The following GCSAML variants were observed in gnomAD, a reference collection of about 807,000 sequenced individuals.
GCSAML encodes the protein germinal center-associated signaling and motility-like protein.
A neutral mutation model predicts 13.0 loss-of-function variants in GCSAML; 9 were observed. That is an observed-to-expected ratio of 0.69 (90% CI 0.42 to 1.21). The LOEUF is 1.21. Ranked by LOEUF, GCSAML falls within the 50% of genes most tolerant of loss-of-function variation. The pLI is 0.00. For synonymous variants in GCSAML, 37 were observed against 52.9 expected (o/e 0.70, Z 1.31); for missense variants, 143 against 153.4 (o/e 0.93, Z 0.36).
intron 2 of GCSAML, chr1:247,538,613 A>G (rs1206707190): frequency 7.8e-6 from 3 of 384,540 alleles, no homozygotes; most frequent in South Asian, 1.9e-5. Flanking sequence ...TAAAAAGAGT[A>G]AGAAATACTA....
intron 2 of GCSAML, among the ~76,000 whole-genome samples, chr1:247,560,208 C>T (rs1668076857): frequency 6.6e-6 from 1 of 152,216 alleles, no homozygotes; most frequent in Admixed American, 6.5e-5. Flanking sequence ...CGACAGATAA[C>T]TGAGTGGCTG....
At chr1:247,568,677 T>G (rs1056562231) in intron 4 of GCSAML, among the ~76,000 whole-genome samples, 5 of 152,202 alleles carry the variant, frequency 3.3e-5, no homozygotes, top group Admixed American at 6.5e-5. Context: ...TGTTTCCATA[T>G]GAAATTTAAA....
intron 1 of GCSAML, among the ~76,000 whole-genome samples, chr1:247,509,440 G>A (rs1260853854): frequency 6.6e-6 from 1 of 152,184 alleles, no homozygotes; most frequent in Non-Finnish European, 1.5e-5. Flanking sequence ...ATACAATCAT[G>A]TCATCTGCAA....
chr1:247,569,853 G>A (rs987139476), intron 4 of GCSAML, among the ~76,000 whole-genome samples: 1 of 152,084 alleles, frequency 6.6e-6, no homozygotes, highest in African/African-American at 2.4e-5. Flanking sequence ...TTTTTGGTTG[G>A]TAGGCTAATT....
intron 2 of GCSAML, among the ~76,000 whole-genome samples, chr1:247,543,573 A>G (rs1185827913): frequency 6.6e-6 from 1 of 152,198 alleles, no homozygotes; most frequent in Non-Finnish European, 1.5e-5. Context: ...ATTATCGTGG[A>G]CAAAGCAGAA....
At chr1:247,544,084 A>G (rs1054194217) in intron 2 of GCSAML, among the ~76,000 whole-genome samples, 1 of 152,228 alleles carries the variant, frequency 6.6e-6, no homozygotes, top group African/African-American at 2.4e-5. Context: ...ATAGGACCAC[A>G]TGTCACTAAA....
intron 2 of GCSAML, among the ~76,000 whole-genome samples, chr1:247,561,857 T>C (rs1477588109): frequency 6.6e-6 from 1 of 152,080 alleles, no homozygotes; most frequent in Non-Finnish European, 1.5e-5. Flanking sequence ...TGGCTGTGAC[T>C]GAACCAAACT....
At chr1:247,521,005 C>G (rs1666396246) in intron 1 of GCSAML, among the ~76,000 whole-genome samples, 1 of 152,182 alleles carries the variant, frequency 6.6e-6, no homozygotes, top group South Asian at 2.1e-4. Context: ...TGGCACTACA[C>G]CACATGCATT....
At chr1:247,556,533 C>T in intron 2 of GCSAML, 67 bp downstream of exon 2, 1 of 1,139,142 alleles carries the variant, frequency 8.8e-7, no homozygotes, top group Non-Finnish European at 1.3e-6. Context: ...AGATTACTTC[C>T]AGAGTCTCTG....
intron 2 of GCSAML, among the ~76,000 whole-genome samples, chr1:247,558,598 A>G (rs1237686768): frequency 6.6e-6 from 1 of 152,120 alleles, no homozygotes; most frequent in Non-Finnish European, 1.5e-5. Flanking sequence ...TCATAGTATC[A>G]TTGCTTTTAT....
chr1:247,563,446 A>T, intron 2 of GCSAML, 144 bp from the exon 3 acceptor site: 1 of 525,824 alleles, frequency 1.9e-6, no homozygotes, highest in Non-Finnish European at 3.4e-6. Flanking sequence ...AGGCTGGAGT[A>T]AGCAGCCTTT....
chr1:247,520,397 T>TA (rs1430538970), intron 1 of GCSAML, among the ~76,000 whole-genome samples: 2 of 152,208 alleles, frequency 1.3e-5, no homozygotes, highest in Admixed American at 1.3e-4. Context: ...GAGGAGTTCT[T>TA]ACATCTGCTT....
intron 2 of GCSAML, among the ~76,000 whole-genome samples, chr1:247,556,697 G>C (rs1022701636): frequency 1.3e-5 from 2 of 152,180 alleles, no homozygotes; most frequent in African/African-American, 2.4e-5. Flanking sequence ...TATAATGTGA[G>C]TGTAGAAACA....
chr1:247,564,264 T>C (rs945924452), intron 3 of GCSAML, among the ~76,000 whole-genome samples: 35 of 151,872 alleles, frequency 2.3e-4, no homozygotes, highest in African/African-American at 8.0e-4. Context: ...TCTCAAGAAG[T>C]TGAAAGAAGC....
intron 1 of GCSAML, among the ~76,000 whole-genome samples, chr1:247,552,000 G>A (rs570022378): frequency 6.6e-6 from 1 of 152,122 alleles, no homozygotes; most frequent in East Asian, 1.9e-4. Context: ...CTTTATGGCT[G>A]GTTCTTACAC....
intron 2 of GCSAML, chr1:247,536,176 A>T: frequency 6.6e-6 from 1 of 152,228 alleles, no homozygotes; most frequent in Non-Finnish European, 1.5e-5. Context: ...ACTAATGGTG[A>T]GCTAGCAGCA....
intron 1 of GCSAML, among the ~76,000 whole-genome samples, chr1:247,507,707 G>A (rs1193262156): frequency 6.6e-6 from 1 of 151,512 alleles, no homozygotes; most frequent in Non-Finnish European, 1.5e-5. Context: ...GGTGTGTGAT[G>A]TTCCCCTCCT....
chr1:247,539,084 GTTTA>G (rs1667322776), intron 2 of GCSAML, among the ~76,000 whole-genome samples: 1 of 152,156 alleles, frequency 6.6e-6, no homozygotes, highest in Non-Finnish European at 1.5e-5. Context: ...CAGAGAATGA[GTTTA>G]TTTATGAGGG....
chr1:247,519,722 G>A (rs1188710784), intron 1 of GCSAML, among the ~76,000 whole-genome samples: 9 of 152,214 alleles, frequency 5.9e-5, no homozygotes, highest in Admixed American at 4.6e-4. Flanking sequence ...TTCTTACACC[G>A]ATATAAAAGT....
Sources: allele counts gnomAD v4.1 joint callset (sites outside exome capture counted in the v4.1 genomes callset), GRCh38; gene constraint gnomAD v4.1.1; transcripts MANE v1.5; gene names NCBI Gene and HGNC (gene_info 2026-07-23, HGNC 2026-07-21).